GPRIN3: variants seen among roughly 807,000 people sequenced by gnomAD.
The protein encoded by GPRIN3 is G protein-regulated inducer of neurite outgrowth 3.
Under a neutral mutation model 13.7 loss-of-function variants are expected in GPRIN3, and 12 were observed. The ratio of observed to expected loss-of-function variants is 0.87; its 90% CI spans 0.56 to 1.42. The LOEUF (loss-of-function observed/expected upper bound fraction) is 1.42, where lower values mean the gene tolerates loss of function less well. Ranked by LOEUF, GPRIN3 falls within the 40% of genes most tolerant of loss-of-function variation. The pLI is 0.00. For missense variants in GPRIN3, 1,009 were observed against 958.7 expected (o/e 1.05, Z -0.69); for synonymous variants, 377 against 372.7 (o/e 1.01, Z -0.13).
rs563773115 is a variant in GPRIN3 at position 89,238,837 on chromosome 4, T to G, written c.*8943A>C. 1 of 152,076 alleles carries G rather than the reference T, an allele frequency of 6.6e-6. No homozygotes were observed. The highest frequency in any genetic ancestry group is 2.4e-5 in the African/African-American group (1 of 41,494). 9.4% of individuals were successfully genotyped at this position (152,076 alleles called of 1,614,324 possible). On this transcript the variant is annotated 3_prime_UTR_variant, in exon 2 of 2. Transcript: ENST00000609438. Reference sequence around the variant, plus strand: ...AATAGCAGTGGAAACAATAATAACATCAACAAAAAACAGAATAAATTGTAT... The same window carrying G: ...AATAGCAGTGGAAACAATAATAACAGCAACAAAAAACAGAATAAATTGTAT...
rs750475191 is a variant in GPRIN3, at chr4:89,242,521, T to G, written c.*5259A>C. 1 of 152,228 alleles carries G rather than the reference T, an allele frequency of 6.6e-6. No individual in the cohort carries two copies. The highest frequency in any genetic ancestry group is 2.4e-5 in the African/African-American group (1 of 41,462). The allele number at this position is 152,228 out of a possible 1,614,324, so 9.4% of individuals were successfully genotyped here. A position where few individuals can be genotyped will look rare whatever the true frequency, so the allele number is the denominator to read the frequency against. On this transcript the variant is annotated 3_prime_UTR_variant, in exon 2 of 2. Transcript: ENST00000609438. ...CTCTGGGCTCACATAAAAACATAGA[T>G]GCCAACTGTATCCTGACTAATGCTC...
chr4:89,296,466 T>C (rs1367945888), intron 1 of GPRIN3, among the ~76,000 whole-genome samples: 4 of 152,212 alleles, frequency 2.6e-5, no homozygotes, highest in Non-Finnish European at 4.4e-5. Flanking sequence ...CCTTTTTTTT[T>C]CTTAGTATTC....
chr4:89,281,180 A>T (rs1724240192), intron 1 of GPRIN3, among the ~76,000 whole-genome samples: 1 of 151,858 alleles, frequency 6.6e-6, no homozygotes, highest in African/African-American at 2.4e-5. Flanking sequence ...CTGGAGTGCA[A>T]TAGCGTGAAC....
chr4:89,246,413 G>T lies in GPRIN3; in HGVS notation c.*1367C>A, dbSNP rs1260145775. The T allele has an allele frequency of 6.6e-6, 1 of 152,170 alleles. No individual in the cohort carries two copies. The highest frequency in any genetic ancestry group is 6.5e-5 in the Admixed American group (1 of 15,278). 9.4% of individuals were successfully genotyped at this position (152,170 alleles called of 1,614,324 possible). A position where few individuals can be genotyped will look rare whatever the true frequency, so the allele number is the denominator to read the frequency against. Reference sequence around the variant, plus strand: ...ACACTACCCCAATTCTCAAGGCGATGCTGCTCATCCAGGCCAGTGCCTTGG... The same window carrying T: ...ACACTACCCCAATTCTCAAGGCGATTCTGCTCATCCAGGCCAGTGCCTTGG... On this transcript the variant is annotated 3_prime_UTR_variant, in exon 2 of 2. Coordinates refer to ENST00000609438, the MANE Select transcript of GPRIN3 (RefSeq NM_198281.3).
intron 1 of GPRIN3, among the ~76,000 whole-genome samples, chr4:89,284,494 T>C (rs191267323): frequency 1.0e-3 from 157 of 152,290 alleles, no homozygotes; most frequent in African/African-American, 3.7e-3. Flanking sequence ...AAATAACACC[T>C]TCCTCTAGGA....
intron 1 of GPRIN3, among the ~76,000 whole-genome samples, chr4:89,254,226 C>G (rs1723409375): frequency 6.6e-6 from 1 of 151,318 alleles, no homozygotes; most frequent in East Asian, 1.9e-4. Context: ...CCTTCTTTCT[C>G]TTTTTTTAAA....
rs79802470 is a variant in GPRIN3 at position 89,255,177 on chromosome 4, T to C, written c.-123-4944A>G. 1.3e-4 allele frequency among the ~76,000 whole-genome samples: 20 copies of C among 151,992 alleles called. No individual in the cohort carries two copies. In the East Asian group the frequency reaches 3.8e-3, roughly 29 times the overall value. ...AACATGGACTCTGGGGCAGACTCCT[T>C]GGATTAGAATATCAGTTCCACCACC... is the stretch of plus-strand genomic sequence containing the variant. On this transcript the variant is annotated intron_variant, in intron 1 of 1. Coordinates refer to ENST00000609438, the MANE Select transcript of GPRIN3 (RefSeq NM_198281.3).
At chr4:89,272,765 A>G (rs140940485) in intron 1 of GPRIN3, among the ~76,000 whole-genome samples, 1 of 152,334 alleles carries the variant, frequency 6.6e-6, no homozygotes, top group East Asian at 1.9e-4. Context: ...TACCTATTTT[A>G]CCAAAATCAA....
chr4:89,306,321 C>T (rs141738202), intron 1 of GPRIN3, among the ~76,000 whole-genome samples: 324 of 152,148 alleles, frequency 2.1e-3, no homozygotes, highest in Middle Eastern at 0.014. Context: ...CACATTCGGG[C>T]GAAGTACACT....
intron 1 of GPRIN3, among the ~76,000 whole-genome samples, chr4:89,290,297 A>G (rs1178607680): frequency 6.6e-6 from 1 of 151,904 alleles, no homozygotes; most frequent in Non-Finnish European, 1.5e-5. Flanking sequence ...AATATGCTTG[A>G]AGCATTTGCC....
At chr4:89,299,166 T>C (rs1248347543) in intron 1 of GPRIN3, among the ~76,000 whole-genome samples, 1 of 152,152 alleles carries the variant, frequency 6.6e-6, no homozygotes, top group African/African-American at 2.4e-5. Context: ...GGACGCTTGA[T>C]ACTTAAACAC....
intron 1 of GPRIN3, among the ~76,000 whole-genome samples, chr4:89,304,274 G>C (rs948861047): frequency 5.9e-5 from 9 of 152,076 alleles, no homozygotes; most frequent in African/African-American, 1.9e-4. Flanking sequence ...TCTCTTGGTC[G>C]GCTCTTGGCA....
Position 89,242,614 on chromosome 4 carries a change from T to C in GPRIN3, c.*5166A>G, listed in dbSNP as rs1722974133. The C allele has an allele frequency of 1.3e-5, 2 of 152,214 alleles. No homozygotes were observed. Among genetic ancestry groups the C allele is most frequent in the South Asian group, 4.1e-4 (2 of 4,834 alleles). 9.4% of individuals were successfully genotyped at this position (152,214 alleles called of 1,614,324 possible). A position where few individuals can be genotyped will look rare whatever the true frequency, so the allele number is the denominator to read the frequency against. ...CCAGGAAGAAAGCAGAAACTATGCC[T>C]TTGCTTATTTTATCCTGTGGGTTAC... On this transcript the variant is annotated 3_prime_UTR_variant, in exon 2 of 2. Transcript: ENST00000609438.
chr4:89,239,459 A>G lies in GPRIN3; in HGVS notation c.*8321T>C, dbSNP rs1722865803. 6.6e-6 allele frequency: 1 copy of G among 152,232 alleles called. No individual in the cohort carries two copies. The highest frequency in any genetic ancestry group is 1.5e-5 in the Non-Finnish European group (1 of 68,044). 9.4% of individuals were successfully genotyped at this position (152,232 alleles called of 1,614,324 possible). On this transcript the variant is annotated 3_prime_UTR_variant, in exon 2 of 2. Coordinates refer to ENST00000609438, the MANE Select transcript of GPRIN3 (RefSeq NM_198281.3). Reference sequence around the variant, plus strand: ...AAACATGTATACTTTTATTAGTTAAAAAACACTGCCACTCTAGTTGTAATT... The same window carrying G: ...AAACATGTATACTTTTATTAGTTAAGAAACACTGCCACTCTAGTTGTAATT...
intron 1 of GPRIN3, among the ~76,000 whole-genome samples, chr4:89,301,201 A>G (rs1329396800): frequency 6.6e-6 from 1 of 152,188 alleles, no homozygotes; most frequent in African/African-American, 2.4e-5. Context: ...GCAAAGATCA[A>G]ACTCCAAGAA....
At chr4:89,301,699 C>T (rs946055780) in intron 1 of GPRIN3, among the ~76,000 whole-genome samples, 2 of 152,314 alleles carry the variant, frequency 1.3e-5, no homozygotes. Flanking sequence ...CCAGATCTCC[C>T]ACTTGGATGG....
At chr4:89,263,621 G>C (rs1232677906) in intron 1 of GPRIN3, among the ~76,000 whole-genome samples, 4 of 152,174 alleles carry the variant, frequency 2.6e-5, no homozygotes, top group Non-Finnish European at 5.9e-5. Flanking sequence ...CTGTGAGCCT[G>C]AATTTTCGTG....
intron 1 of GPRIN3, among the ~76,000 whole-genome samples, chr4:89,276,730 A>T (rs1393911985): frequency 3.3e-5 from 5 of 152,198 alleles, no homozygotes; most frequent in Non-Finnish European, 1.5e-5. Flanking sequence ...TCACTTTCCT[A>T]TTACCCCATG....
Position 89,250,878 on chromosome 4 carries a change from G to A in GPRIN3, c.-123-645C>T, listed in dbSNP as rs559312306. 4 of 152,192 alleles carry A rather than the reference G, an allele frequency of 2.6e-5. No homozygotes were observed. The South Asian group carries it at 8.3e-4, about 32-fold the overall frequency. The allele number at this position is 152,192 out of a possible 1,614,324, so 9.4% of individuals were successfully genotyped here. A position where few individuals can be genotyped will look rare whatever the true frequency, so the allele number is the denominator to read the frequency against. On this transcript the variant is annotated intron_variant, in intron 1 of 1. Coordinates refer to ENST00000609438, the MANE Select transcript of GPRIN3 (RefSeq NM_198281.3). ...AAAATAAATAAATAAAATCATATAA[G>A]AAAACCTACGAATCATAAATGTAAT...
Sources: allele counts gnomAD v4.1 joint callset (sites outside exome capture counted in the v4.1 genomes callset), GRCh38; gene constraint gnomAD v4.1.1; transcripts MANE v1.5; gene names NCBI Gene and HGNC (gene_info 2026-07-23, HGNC 2026-07-21).